Variants in VAV3 observed in about 807,000 individuals in gnomAD.
VAV3 encodes the protein vav guanine nucleotide exchange factor 3.
Under a neutral mutation model 131.2 loss-of-function variants are expected in VAV3, and 94 were observed. The ratio of observed to expected loss-of-function variants is 0.72; its 90% CI spans 0.61 to 0.85. The LOEUF (loss-of-function observed/expected upper bound fraction) is 0.85, where lower values mean the gene tolerates loss of function less well. VAV3 is among the 40% of genes least tolerant of loss of function. The pLI, the probability that VAV3 is intolerant of heterozygous loss-of-function variation, is 0.00. For missense variants in VAV3, 939 were observed against 1,002.7 expected (o/e 0.94, Z 0.86); for synonymous variants, 349 against 342.0 (o/e 1.02, Z -0.22).
intron 2 of VAV3, among the ~76,000 whole-genome samples, chr1:107,838,496 G>A (rs1005531210): frequency 6.6e-6 from 1 of 152,160 alleles, no homozygotes; most frequent in Non-Finnish European, 1.5e-5. Context: ...TTACACTGTT[G>A]ATGGAAATGC....
At chr1:107,660,127 GT>G (rs1234237318) in intron 19 of VAV3, among the ~76,000 whole-genome samples, 1 of 151,996 alleles carries the variant, frequency 6.6e-6, no homozygotes, top group Non-Finnish European at 1.5e-5. Flanking sequence ...CCCACTCCAT[GT>G]TTTTTTCTTT....
chr1:107,742,244 T>TC (rs368276859), intron 15 of VAV3, among the ~76,000 whole-genome samples: 1 of 152,024 alleles, frequency 6.6e-6, no homozygotes, highest in Non-Finnish European at 1.5e-5. Context: ...TCTTTTTTTT[T>TC]CCCACTTGTC....
At chr1:107,789,639 A>G (rs2102266983) in intron 2 of VAV3, among the ~76,000 whole-genome samples, 1 of 152,338 alleles carries the variant, frequency 6.6e-6, no homozygotes, top group South Asian at 2.1e-4. Context: ...TGAATTCATG[A>G]TGTAAGAAAT....
chr1:107,943,527 G>A lies in VAV3; in HGVS notation c.204+21139C>T, dbSNP rs965151351. Among the ~76,000 whole-genome samples, 5 of 152,130 alleles carry A rather than the reference G, an allele frequency of 3.3e-5. No homozygotes were observed. The East Asian group carries it at 5.8e-4, about 18-fold the overall frequency. ...AGGCCGAGGCAGGCACACACATCAC[G>A]AGGTCAAGAGATCGAGACCATCTGG... On this transcript the variant is annotated intron_variant, in intron 1 of 26. Coordinates refer to ENST00000370056, the MANE Select transcript of VAV3 (RefSeq NM_006113.5).
chr1:107,887,645 T>C (rs1465571741), intron 1 of VAV3, among the ~76,000 whole-genome samples: 2 of 152,124 alleles, frequency 1.3e-5, no homozygotes, highest in Admixed American at 6.5e-5. Context: ...AATGCATGCG[T>C]CTTAATTTTC....
At chr1:107,652,753 T>C (rs1656269050) in intron 19 of VAV3, among the ~76,000 whole-genome samples, 1 of 152,166 alleles carries the variant, frequency 6.6e-6, no homozygotes, top group African/African-American at 2.4e-5. Flanking sequence ...TGATCATTAG[T>C]TTTTACTTGC....
At chr1:107,883,122 T>C (rs1435264699) in intron 1 of VAV3, among the ~76,000 whole-genome samples, 4 of 152,212 alleles carry the variant, frequency 2.6e-5, no homozygotes, top group African/African-American at 9.7e-5. Flanking sequence ...AATTTACCAT[T>C]TAAAGTTAAC....
intron 17 of VAV3, among the ~76,000 whole-genome samples, chr1:107,701,647 C>A (rs1216312364): frequency 6.6e-6 from 1 of 152,204 alleles, no homozygotes; most frequent in Non-Finnish European, 1.5e-5. Flanking sequence ...CATCAGGCTG[C>A]AAATTCTCCA....
chr1:107,839,265 C>T (rs1013679676), intron 2 of VAV3, among the ~76,000 whole-genome samples: 1 of 152,034 alleles, frequency 6.6e-6, no homozygotes, highest in Non-Finnish European at 1.5e-5. Flanking sequence ...AAACTGATAA[C>T]CTATTTTATT....
chr1:107,963,762 A>G (rs937682148), intron 1 of VAV3, among the ~76,000 whole-genome samples: 1 of 151,590 alleles, frequency 6.6e-6, no homozygotes, highest in Non-Finnish European at 1.5e-5. Context: ...TTTTGTTTTA[A>G]CATTCTGAAA....
chr1:107,760,697 TG>T, intron 10 of VAV3, 86 bp downstream of exon 10: 2 of 1,025,426 alleles, frequency 2.0e-6, no homozygotes, highest in Non-Finnish European at 2.9e-6. Flanking sequence ...GCCCAACACA[TG>T]GAATATCTGC....
intron 7 of VAV3, among the ~76,000 whole-genome samples, chr1:107,767,290 G>A (rs1344202751): frequency 6.6e-6 from 1 of 152,186 alleles, no homozygotes; most frequent in Non-Finnish European, 1.5e-5. Context: ...GTAAATACAT[G>A]TCATAGCCAG....
At position 107,596,335 on chromosome 1, in the gene VAV3, C is replaced by T. The variant is rs1170890777; in HGVS notation, c.2227G>A (p.Val743Met). 1 of 1,609,312 alleles carries T rather than the reference C, an allele frequency of 6.2e-7. No individual in the cohort carries two copies. The highest frequency in any genetic ancestry group is 1.3e-5 in the African/African-American group (1 of 74,822). Reference protein sequence around the residue: ...NRKFKSLMELVEYYKHHSLKE... With the variant: ...NRKFKSLMELMEYYKHHSLKE... ...AGAGAATGATGCTTGTAGTACTCCA[C>T]AAGTTCCTTTGGAAAAAAGAATCCA... Residue 743 changes from valine (V) to methionine (M), a missense_variant, in exon 25 of 27, where the codon GTG becomes ATG. By Grantham distance (21) the Val-to-Met change is conservative (BLOSUM62 1). Transcript: ENST00000370056.
intron 17 of VAV3, among the ~76,000 whole-genome samples, chr1:107,694,530 G>A (rs1659631535): frequency 6.6e-6 from 1 of 152,094 alleles, no homozygotes; most frequent in South Asian, 2.1e-4. Flanking sequence ...ATACTAGAAA[G>A]GAATCTAAAA....
At chr1:107,911,115 C>T (rs1163708443) in intron 1 of VAV3, among the ~76,000 whole-genome samples, 1 of 152,188 alleles carries the variant, frequency 6.6e-6, no homozygotes, top group East Asian at 1.9e-4. Context: ...ACTCCCTTCG[C>T]CTCCCAACTT....
chr1:107,619,839 T>C (rs1472877201), intron 20 of VAV3, among the ~76,000 whole-genome samples: 30 of 152,152 alleles, frequency 2.0e-4, no homozygotes, highest in Non-Finnish European at 1.5e-5. Flanking sequence ...TTTGTGACAG[T>C]GTATGTTGGC....
rs182948158 is a variant in VAV3 at position 107,898,969 on chromosome 1, T to C, written c.205-23952A>G. Among the ~76,000 whole-genome samples the C allele has an allele frequency of 1.9e-4, 29 of 152,260 alleles. No individual in the cohort carries two copies. In the East Asian group the frequency reaches 5.0e-3, roughly 26 times the overall value. ...ACAAATACCCTCTGAGTACTAAGGATGTAGAGATGAACTAGATGCAATGCC... is the reference window on the plus strand; with the variant it reads ...ACAAATACCCTCTGAGTACTAAGGACGTAGAGATGAACTAGATGCAATGCC... On this transcript the variant is annotated intron_variant, in intron 1 of 26. Coordinates refer to ENST00000370056, the MANE Select transcript of VAV3 (RefSeq NM_006113.5).
At chr1:107,792,224 A>AC (rs1412228681) in intron 2 of VAV3, among the ~76,000 whole-genome samples, 1 of 152,078 alleles carries the variant, frequency 6.6e-6, no homozygotes, top group Non-Finnish European at 1.5e-5. Flanking sequence ...AGTGTTGAGT[A>AC]TTTTTTTTCT....
chr1:107,709,207 C>G (rs1366330619), intron 15 of VAV3, among the ~76,000 whole-genome samples: 3 of 152,156 alleles, frequency 2.0e-5, no homozygotes, highest in Non-Finnish European at 2.9e-5. Flanking sequence ...TCCGCCTCCC[C>G]ACTGACCTGT....
Sources: allele counts gnomAD v4.1 joint callset (sites outside exome capture counted in the v4.1 genomes callset), GRCh38; gene constraint gnomAD v4.1.1; transcripts MANE v1.5; gene names NCBI Gene and HGNC (gene_info 2026-07-23, HGNC 2026-07-21).